The following ABR variants were observed in gnomAD, a reference collection of about 807,000 sequenced individuals.
ABR encodes active breakpoint cluster region-related protein.
In ABR, 35 loss-of-function variants were observed where a neutral mutation model predicts 107.2. The observed-to-expected ratio is 0.33, with a 90% CI of 0.25 to 0.43. ABR has a LOEUF of 0.43. Ranked by LOEUF, ABR falls within the 20% of genes least tolerant of loss-of-function variation. The probability of loss-of-function intolerance (pLI) is 1.00; values close to 1 mark genes in which losing one functional copy is unlikely to be tolerated. For missense variants in ABR, 815 were observed against 1,115.2 expected (o/e 0.73, Z 3.83); for synonymous variants, 498 against 462.0 (o/e 1.08, Z -1.00).
At chr17:1,184,166 A>G (rs1259283762), upstream of ABR, among the ~76,000 whole-genome samples, 3 of 150,118 alleles carry the variant, frequency 2.0e-5, no homozygotes, top group Non-Finnish European at 3.0e-5. Flanking sequence ...CAAAAAAAAA[A>G]AAGCCAGAGC....
rs760712302 is a variant in ABR, at chr17:1,070,134, C to T, written c.895-44G>A. On this transcript the variant is annotated intron_variant, in intron 8 of 22. Transcript: ENST00000302538. This position sits in a 1 kb window ranked among gnomAD's most constrained non-coding sequence, Gnocchi z 4.2. ...CCCCCAGCCTGCTCAGAGGGGAATGCGGCCGAGGGCAGAGCCTGCACACGG... is the reference window on the plus strand; with the variant it reads ...CCCCCAGCCTGCTCAGAGGGGAATGTGGCCGAGGGCAGAGCCTGCACACGG... The T allele has an allele frequency of 5.0e-6, 8 of 1,608,720 alleles. No individual in the cohort carries two copies. Among genetic ancestry groups the T allele is most frequent in the Middle Eastern group, 1.8e-4 (1 of 5,536 alleles).
intron 1 of ABR, among the ~76,000 whole-genome samples, chr17:1,215,572 G>A (rs1274475590): frequency 6.6e-6 from 1 of 152,084 alleles, no homozygotes; most frequent in Non-Finnish European, 1.5e-5. Flanking sequence ...GTGCAGTGGC[G>A]TGATCTCGGC....
intron 1 of ABR, among the ~76,000 whole-genome samples, chr17:1,166,541 G>A (rs1335541108): frequency 6.6e-6 from 1 of 152,198 alleles, no homozygotes; most frequent in Non-Finnish European, 1.5e-5. Flanking sequence ...GGCTGGAGAT[G>A]GGTTGGACCC....
intron 1 of ABR, among the ~76,000 whole-genome samples, chr17:1,174,762 G>C (rs761310377): frequency 3.0e-4 from 45 of 152,118 alleles, no homozygotes; most frequent in Non-Finnish European, 5.0e-4. Flanking sequence ...TAAATTACTT[G>C]GGACCAAATG....
At chr17:1,022,120 A>AAAAAAAC (rs56033950) in intron 16 of ABR, among the ~76,000 whole-genome samples, 5 of 118,396 alleles carry the variant, frequency 4.2e-5, no homozygotes, top group African/African-American at 7.3e-5. Context: ...AAAAAAAAAA[A>AAAAAAAC]AAAAACAGAA....
chr17:1,141,764 C>T lies in ABR; in HGVS notation c.62-16397G>A, dbSNP rs537662768. Among the ~76,000 whole-genome samples the T allele has an allele frequency of 4.5e-3, 656 of 146,418 alleles. 33 individuals are homozygous for T. In the East Asian group the frequency reaches 0.11, roughly 24 times the overall value. The stretch of plus-strand genomic sequence containing the variant: ...TGGTGGACTAGTTACGACTTAAATT[C>T]TTTTTTTTTTTGGAGACAGAGTCTT... On this transcript the variant is annotated intron_variant, in intron 1 of 22. Transcript: ENST00000302538.
intron 12 of ABR, 166 bp downstream of exon 12, chr17:1,057,804 T>C: frequency 1.6e-6 from 1 of 619,248 alleles, no homozygotes; most frequent in East Asian, 2.9e-5. Context: ...AGTTAGATTC[T>C]TTGGGTCTCA....
At chr17:1,228,962 C>T (rs1053451164) in exon 1 of ABR, 1 of 151,474 alleles carries the variant, frequency 6.6e-6, no homozygotes, top group African/African-American at 2.4e-5. Flanking sequence ...GGGGCGAGCC[C>T]GGGCGGCCCT....
chr17:1,121,801 C>G (rs991227886), intron 2 of ABR, among the ~76,000 whole-genome samples: 6 of 152,138 alleles, frequency 3.9e-5, no homozygotes, highest in Non-Finnish European at 8.8e-5. Flanking sequence ...GTGGGGCCTC[C>G]TCCCCACTAC....
chr17:1,216,670 G>A (rs1198854857), intron 1 of ABR, among the ~76,000 whole-genome samples: 1 of 152,150 alleles, frequency 6.6e-6, no homozygotes, highest in Admixed American at 6.5e-5. Context: ...CACTTAGCCT[G>A]GGGCCGGCCA....
At chr17:1,194,831 T>G (rs1207727032) in intron 1 of ABR, among the ~76,000 whole-genome samples, 1 of 124,476 alleles carries the variant, frequency 8.0e-6, no homozygotes, top group African/African-American at 2.7e-5. Context: ...TTTTGTATTT[T>G]TAGTAGAGAC....
intron 1 of ABR, among the ~76,000 whole-genome samples, chr17:1,128,813 G>C (rs2039704247): frequency 8.6e-6 from 1 of 116,898 alleles, no homozygotes; most frequent in African/African-American, 3.1e-5. Flanking sequence ...GGGAGTCCAG[G>C]TCACTGAGGG....
At chr17:1,134,984 C>T (rs2039994372) in intron 1 of ABR, among the ~76,000 whole-genome samples, 1 of 152,238 alleles carries the variant, frequency 6.6e-6, no homozygotes, top group African/African-American at 2.4e-5. Flanking sequence ...GCACTTAGCA[C>T]ATAGGAAGCA....
At chr17:1,049,472 A>T (rs893104622) in intron 16 of ABR, among the ~76,000 whole-genome samples, 3 of 152,046 alleles carry the variant, frequency 2.0e-5, no homozygotes, top group Admixed American at 2.0e-4. Context: ...AGAAGCATAA[A>T]TACCCTTAAC....
upstream of ABR, among the ~76,000 whole-genome samples, chr17:1,180,294 G>A (rs1450022288): frequency 6.6e-6 from 1 of 152,016 alleles, no homozygotes; most frequent in East Asian, 1.9e-4. Flanking sequence ...AGCCCACAGG[G>A]GTGACATCAC....
chr17:1,014,435 C>T (rs937728010), intron 16 of ABR, among the ~76,000 whole-genome samples: 1 of 149,288 alleles, frequency 6.7e-6, no homozygotes, highest in African/African-American at 2.5e-5. Flanking sequence ...AGCGAGACTC[C>T]GTCTCAAAAA....
At chr17:1,132,525 T>A (rs1044482070) in intron 1 of ABR, among the ~76,000 whole-genome samples, 7 of 151,992 alleles carry the variant, frequency 4.6e-5, no homozygotes, top group Non-Finnish European at 5.9e-5. Context: ...ATTATAGGCA[T>A]GCACCACCAT....
At chr17:1,008,602 A>T (rs2070251664) in intron 21 of ABR, among the ~76,000 whole-genome samples, 1 of 152,228 alleles carries the variant, frequency 6.6e-6, no homozygotes. Context: ...GCCAAACCAG[A>T]GGAAAAATGT....
intron 1 of ABR, among the ~76,000 whole-genome samples, chr17:1,147,146 G>C (rs2040589185): frequency 6.6e-6 from 1 of 152,212 alleles, no homozygotes; most frequent in African/African-American, 2.4e-5. Flanking sequence ...TTTCACGGCT[G>C]AACAGTGAAA....
Sources: gnomAD v4.1 joint callset for allele counts (sites outside exome capture counted in the v4.1 genomes callset) on GRCh38, gnomAD v4.1.1 for gene constraint, Gnocchi (gnomAD v3.1) non-coding constraint, MANE v1.5 for transcripts, NCBI Gene and HGNC (gene_info 2026-07-23, HGNC 2026-07-21) for gene names.